Variants in SORCS3 observed in about 807,000 individuals in gnomAD.
SORCS3 encodes the protein VPS10 domain-containing receptor SorCS3.
Under a neutral mutation model 146.3 loss-of-function variants are expected in SORCS3, and 57 were observed. The ratio of observed to expected loss-of-function variants is 0.39; its 90% CI spans 0.31 to 0.49. The LOEUF (loss-of-function observed/expected upper bound fraction) is 0.49. SORCS3 is among the 20% of genes least tolerant of loss of function. The pLI is 0.92. For missense variants in SORCS3, 1,341 were observed against 1,575.5 expected (o/e 0.85, Z 2.52); for synonymous variants, 653 against 618.5 (o/e 1.06, Z -0.83).
chr10:105,151,890 G>C (rs528807386), intron 9 of SORCS3, among the ~76,000 whole-genome samples: 12 of 152,166 alleles, frequency 7.9e-5, no homozygotes, highest in Admixed American at 5.2e-4. Context: ...TGAAGGCCAA[G>C]TAATAATCTA....
Position 105,131,503 on chromosome 10 carries a change from G to A in SORCS3, c.1213-7894G>A, listed in dbSNP as rs1347976456. Among the ~76,000 whole-genome samples, 3 of 152,142 alleles carry A rather than the reference G, an allele frequency of 2.0e-5. No individual in the cohort carries two copies. The East Asian group carries it at 5.8e-4, about 29-fold the overall frequency. On this transcript the variant is annotated intron_variant, in intron 7 of 26. Coordinates refer to ENST00000369701, the MANE Select transcript of SORCS3 (RefSeq NM_014978.3). ...TCCCATAGCAACACCAAGCACTTCT[G>A]TGCGACAATGTAGCATTGATTTCTC...
At chr10:105,149,029 C>G (rs56248603) in intron 9 of SORCS3, among the ~76,000 whole-genome samples, 6,026 of 152,190 alleles carry the variant, frequency 0.04, 184 homozygotes, top group East Asian at 0.16. Context: ...CACTTCCTCT[C>G]TCTCTCCTGC....
At chr10:105,215,619 C>A (rs989507567) in intron 18 of SORCS3, among the ~76,000 whole-genome samples, 3 of 152,198 alleles carry the variant, frequency 2.0e-5, no homozygotes, top group Non-Finnish European at 4.4e-5. Flanking sequence ...TAAAAACCTT[C>A]TCTTGAATGG....
chr10:105,128,533 T>G (rs1416809891), intron 7 of SORCS3, among the ~76,000 whole-genome samples: 2 of 152,194 alleles, frequency 1.3e-5, no homozygotes, highest in Admixed American at 1.3e-4. Context: ...TTTGAACATG[T>G]CAATAAAATT....
intron 5 of SORCS3, among the ~76,000 whole-genome samples, chr10:105,067,489 T>G (rs2055529993): frequency 6.6e-6 from 1 of 152,244 alleles, no homozygotes; most frequent in African/African-American, 2.4e-5. Flanking sequence ...AGTGTGCCAC[T>G]GCACTCCTGC....
intron 1 of SORCS3, among the ~76,000 whole-genome samples, chr10:104,736,514 A>G (rs2016774739): frequency 6.6e-6 from 1 of 152,236 alleles, no homozygotes; most frequent in Non-Finnish European, 1.5e-5. Flanking sequence ...ATTTAGAAGT[A>G]TATTTTAAAT....
chr10:104,707,079 G>A lies in SORCS3; in HGVS notation c.627+65125G>A, dbSNP rs754392889. The stretch of plus-strand genomic sequence containing the variant: ...GCATCGCATAGAGACAGGGCAGTCA[G>A]GCTTATCCACAAGAAGGAGCAGTGG... On this transcript the variant is annotated intron_variant, in intron 1 of 26. Coordinates refer to ENST00000369701, the MANE Select transcript of SORCS3 (RefSeq NM_014978.3). 2.3e-4 allele frequency among the ~76,000 whole-genome samples: 35 copies of A among 152,140 alleles called. 1 individual carries two copies. Among genetic ancestry groups the A allele is most frequent in the Non-Finnish European group, 4.3e-4 (29 of 68,020 alleles).
At chr10:104,662,619 T>C (rs2015716615) in intron 1 of SORCS3, among the ~76,000 whole-genome samples, 1 of 152,226 alleles carries the variant, frequency 6.6e-6, no homozygotes, top group Non-Finnish European at 1.5e-5. Flanking sequence ...CCATGAGGGC[T>C]AAGATGGGTT....
intron 3 of SORCS3, among the ~76,000 whole-genome samples, chr10:104,955,415 A>G (rs903070516): frequency 6.6e-6 from 1 of 152,208 alleles, no homozygotes; most frequent in Non-Finnish European, 1.5e-5. Flanking sequence ...CCATTCATTC[A>G]TTAATGAACA....
At chr10:104,826,676 T>C (rs962385736) in intron 1 of SORCS3, among the ~76,000 whole-genome samples, 3 of 152,196 alleles carry the variant, frequency 2.0e-5, no homozygotes, top group Non-Finnish European at 4.4e-5. Context: ...CTGATCAGGT[T>C]TGTGGTTGGT....
At chr10:105,162,802 T>C (rs2056276928) in intron 11 of SORCS3, among the ~76,000 whole-genome samples, 1 of 152,128 alleles carries the variant, frequency 6.6e-6, no homozygotes, top group Non-Finnish European at 1.5e-5. Flanking sequence ...ATGCCAGGGA[T>C]GGAAGATACA....
At chr10:104,764,665 G>A (rs1357679731) in intron 1 of SORCS3, among the ~76,000 whole-genome samples, 1 of 152,140 alleles carries the variant, frequency 6.6e-6, no homozygotes, top group Non-Finnish European at 1.5e-5. Flanking sequence ...CTCAAAGCAT[G>A]GTTAATTGCA....
chr10:105,063,570 A>T (rs1437478734), intron 5 of SORCS3, among the ~76,000 whole-genome samples: 1 of 152,228 alleles, frequency 6.6e-6, no homozygotes, highest in East Asian at 1.9e-4. Flanking sequence ...ATAAGGTGTG[A>T]TGCCTTTCGG....
chr10:104,730,137 A>G (rs1353061576), intron 1 of SORCS3, among the ~76,000 whole-genome samples: 1 of 152,230 alleles, frequency 6.6e-6, no homozygotes, highest in Non-Finnish European at 1.5e-5. Context: ...TGCAGTCTGG[A>G]GAAGAGTGGA....
intron 3 of SORCS3, among the ~76,000 whole-genome samples, chr10:104,971,627 T>A (rs1296188918): frequency 7.2e-5 from 11 of 152,152 alleles, no homozygotes. Flanking sequence ...AATCTGTGAC[T>A]GAGACTCAGA....
chr10:105,029,352 G>C (rs1443813480), intron 4 of SORCS3, among the ~76,000 whole-genome samples: 1 of 152,180 alleles, frequency 6.6e-6, no homozygotes. Context: ...CCAAGGACAA[G>C]CATTGTTTGA....
chr10:104,812,534 G>T (rs2133519690), intron 1 of SORCS3, among the ~76,000 whole-genome samples: 1 of 152,212 alleles, frequency 6.6e-6, no homozygotes, highest in Middle Eastern at 3.4e-3. Context: ...AAAAAGCTTT[G>T]TTTCCTCAAA....
Position 105,047,724 on chromosome 10 carries a change from G to A in SORCS3, c.1028+4596G>A, listed in dbSNP as rs188629896. On this transcript the variant is annotated intron_variant, in intron 5 of 26. Transcript: ENST00000369701. ...GTGGCTGGTGTGTAAAGGTAGGTAG[G>A]TTGGGCTGTAGGTCTTTATTGTACT... Among the ~76,000 whole-genome samples the A allele has an allele frequency of 1.4e-4, 21 of 152,230 alleles. No homozygotes were observed. In the East Asian group the frequency reaches 4.1e-3, roughly 29 times the overall value.
chr10:104,654,187 C>T (rs1269487253), intron 1 of SORCS3, among the ~76,000 whole-genome samples: 1 of 152,162 alleles, frequency 6.6e-6, no homozygotes, highest in Non-Finnish European at 1.5e-5. Flanking sequence ...ACCACGTTTT[C>T]TTTATCCATT....
Sources: gnomAD v4.1 joint callset for allele counts (sites outside exome capture counted in the v4.1 genomes callset) on GRCh38, gnomAD v4.1.1 for gene constraint, MANE v1.5 for transcripts, NCBI Gene and HGNC (gene_info 2026-07-23, HGNC 2026-07-21) for gene names.